The following TEKT4 variants were observed in gnomAD, a reference collection of about 807,000 sequenced individuals.
TEKT4 encodes the protein tektin 4.
A neutral mutation model predicts 46.0 loss-of-function variants in TEKT4; 46 were observed. That is an observed-to-expected ratio of 1.00 (90% CI 0.79 to 1.28). TEKT4 has a LOEUF of 1.28. TEKT4 is among the 50% of genes most tolerant of loss of function. The probability of loss-of-function intolerance (pLI) is 0.00; values close to 1 mark genes in which losing one functional copy is unlikely to be tolerated. For synonymous variants in TEKT4, 325 were observed against 265.8 expected (o/e 1.22, Z -2.17); for missense variants, 790 against 622.9 (o/e 1.27, Z -2.85).
At position 94,871,498 on chromosome 2, in the gene TEKT4, C is replaced by T; in HGVS notation, c.-82C>T. On this transcript the variant is annotated 5_prime_UTR_variant, in exon 1 of 6. Coordinates refer to ENST00000295201, the MANE Select transcript of TEKT4 (RefSeq NM_144705.4). ...TCTGGGACTGAGCCGTTGGAGCTGC[C>T]CCGCTGACCGCACTAGGCTGACCGC... The T allele has an allele frequency of 6.9e-7, 1 of 1,450,866 alleles. No individual in the cohort carries two copies. Among genetic ancestry groups the T allele is most frequent in the South Asian group, 1.5e-5 (1 of 68,664 alleles). 89.9% of individuals were successfully genotyped at this position (1,450,866 alleles called of 1,614,324 possible). A position where few individuals can be genotyped will look rare whatever the true frequency, so the allele number is the denominator to read the frequency against.
At chr2:94,872,194 T>TG in intron 1 of TEKT4, 117 bp downstream of exon 1, 1 of 1,330,090 alleles carries the variant, frequency 7.5e-7, no homozygotes, top group Non-Finnish European at 1.0e-6. Flanking sequence ...CCCAGCCCTC[T>TG]GCACGTGAGA....
intron 4 of TEKT4, 158 bp from the exon 5 acceptor site, chr2:94,875,430 C>G: frequency 1.7e-6 from 1 of 602,974 alleles, no homozygotes; most frequent in Non-Finnish European, 2.1e-6. Context: ...CTGGGGGCCC[C>G]GTGCACATTG....
chr2:94,871,572 C>A lies in TEKT4; in HGVS notation c.-8C>A. On this transcript the variant is annotated 5_prime_UTR_variant, in exon 1 of 6. Coordinates refer to ENST00000295201, the MANE Select transcript of TEKT4 (RefSeq NM_144705.4). ...TCACTCCCCTGGCCCTGGTGGGCGGCAGGCACCATGGCGCAGACAGTGCCG... is the reference window on the plus strand; with the variant it reads ...TCACTCCCCTGGCCCTGGTGGGCGGAAGGCACCATGGCGCAGACAGTGCCG... 1 of 1,591,164 alleles carries A rather than the reference C, an allele frequency of 6.3e-7. No individual in the cohort carries two copies. The highest frequency in any genetic ancestry group is 8.6e-7 in the Non-Finnish European group (1 of 1,169,082).
intron 2 of TEKT4, 47 bp downstream of exon 2, chr2:94,873,637 C>G: frequency 6.2e-7 from 1 of 1,609,902 alleles, no homozygotes; most frequent in Non-Finnish European, 8.5e-7. Context: ...CTACCCACAG[C>G]TGGTCCTGGG....
At position 94,871,778 on chromosome 2, in the gene TEKT4, C is replaced by T. The variant is rs1553394548; in HGVS notation, c.199C>T (p.His67Tyr). Reference protein sequence around the residue: ...ADRDQSERQRHESQQLATETQ... With the variant: ...ADRDQSERQRYESQQLATETQ... The stretch of plus-strand genomic sequence containing the variant: ...CCGCGACCAGTCGGAGCGGCAGCGG[C>T]ACGAGAGCCAGCAGCTGGCCACAGA... The change falls in exon 1 of 6, where the codon CAC (histidine) becomes TAC (tyrosine). Residue 67 changes from histidine to tyrosine, a missense_variant. Transcript: ENST00000295201. 7 of 1,612,122 alleles carry T rather than the reference C, an allele frequency of 4.3e-6. No homozygotes were observed. Among genetic ancestry groups the T allele is most frequent in the Non-Finnish European group, 5.9e-6 (7 of 1,179,682 alleles).
At position 94,871,894 on chromosome 2, in the gene TEKT4, G is replaced by C. The variant is rs552156851; in HGVS notation, c.315G>C (p.Leu105=). The C allele has an allele frequency of 2.5e-6, 4 of 1,597,832 alleles. No individual in the cohort carries two copies. Among genetic ancestry groups the C allele is most frequent in the South Asian group, 2.2e-5 (2 of 89,978 alleles). The part of the protein sequence containing the change: ...LQDTHSWKSE[L]QREMEALAAE... ...ACACGCACAGCTGGAAGTCGGAGCT[G>C]CAGCGTGAGATGGAGGCGCTGGCTG... The change falls in exon 1 of 6, where the codon CTG becomes CTC. Residue 105 remains leucine, a synonymous_variant. Coordinates refer to ENST00000295201, the MANE Select transcript of TEKT4 (RefSeq NM_144705.4).
In TEKT4 at chr2:94,874,975, A is replaced by G. The variant is rs1553395949; in HGVS notation, c.913A>G (p.Lys305Glu). The change falls in exon 4 of 6, where the codon AAG becomes GAG. Residue 305 changes from lysine to glutamate, a missense_variant. By Grantham distance (56) the Lys-to-Glu change is moderately conservative. Transcript: ENST00000295201. ...RCEELEDARY[K>E]LHHHLHKTLR... is the part of the protein sequence containing the mutation. ...TGAGGAGCTGGAGGACGCGCGGTACAAGCTGCATCACCACCTGCACAAGGT... is the reference window on the plus strand; with the variant it reads ...TGAGGAGCTGGAGGACGCGCGGTACGAGCTGCATCACCACCTGCACAAGGT... 1 of 1,608,098 alleles carries G rather than the reference A, an allele frequency of 6.2e-7. No individual in the cohort carries two copies. The highest frequency in any genetic ancestry group is 8.5e-7 in the Non-Finnish European group (1 of 1,178,300).
chr2:94,875,154 G>A (rs1368987581), intron 4 of TEKT4, among the ~76,000 whole-genome samples, 156 bp downstream of exon 4: 4 of 152,232 alleles, frequency 2.6e-5, no homozygotes, highest in Non-Finnish European at 5.9e-5. Context: ...GGGTATGATC[G>A]ACCGGTGTTG....
At chr2:94,874,195 G>T in intron 3 of TEKT4, 87 bp downstream of exon 3, 1 of 1,493,626 alleles carries the variant, frequency 6.7e-7, no homozygotes, top group East Asian at 2.3e-5. Context: ...GCTTTCACCA[G>T]CCTGGCCCGG....
At chr2:94,872,616 G>T (rs112306420) in intron 1 of TEKT4, 19,239 of 359,304 alleles carry the variant, frequency 0.054, 690 homozygotes, top group Middle Eastern at 0.09. Context: ...ACTCAGTCCT[G>T]GCCCAGATGC....
In TEKT4 at chr2:94,874,976, AG is replaced by A. The variant is rs1313956746; in HGVS notation, c.915del (p.Lys305AsnfsTer23). ...RCEELEDARY[K>X]LHHHLHKTLR... is the part of the protein sequence containing the mutation. The stretch of plus-strand genomic sequence containing the variant: ...GAGGAGCTGGAGGACGCGCGGTACA[AG>A]CTGCATCACCACCTGCACAAGGTGG... On this transcript the variant is annotated frameshift_variant, in exon 4 of 6. Transcript: ENST00000295201. LOFTEE classifies it high-confidence loss of function. 4.4e-6 allele frequency: 7 copies of A among 1,608,140 alleles called. No individual in the cohort carries two copies. The highest frequency in any genetic ancestry group is 2.1e-4 in the Middle Eastern group (1 of 4,656).
intron 1 of TEKT4, chr2:94,872,740 C>T: frequency 8.8e-7 from 1 of 1,133,458 alleles, no homozygotes; most frequent in East Asian, 5.8e-5. Context: ...TCCTGCCATA[C>T]CCCAAGCTCA....
rs782006297 is a variant in TEKT4 at position 94,876,701 on chromosome 2, G to A, written c.1240G>A (p.Asp414Asn). 6.2e-6 allele frequency: 10 copies of A among 1,612,626 alleles called. No individual in the cohort carries two copies. The highest frequency in any genetic ancestry group is 2.2e-5 in the South Asian group (2 of 91,068). Residue 414 changes from aspartate to asparagine, a missense_variant, in exon 6 of 6, where the codon GAC becomes AAC. Physicochemically the swap from Asp to Asn is conservative, Grantham distance 23. Coordinates refer to ENST00000295201, the MANE Select transcript of TEKT4 (RefSeq NM_144705.4). ...CGCCATGACCAACAGTCTCTTCATC[G>A]ACCGCCAGAAGTGCATGGCCCATCG... is the stretch of plus-strand genomic sequence containing the variant. ...IAAMTNSLFI[D>N]RQKCMAHRTR...
intron 1 of TEKT4, chr2:94,872,702 G>A: frequency 1.4e-6 from 1 of 707,352 alleles, no homozygotes; most frequent in South Asian, 1.7e-5. Context: ...AGACATTCGT[G>A]AAAGATGTGG....
In TEKT4 at chr2:94,871,683, G is replaced by A. The variant is rs782283436; in HGVS notation, c.104G>A (p.Arg35His). 206 of 1,612,466 alleles carry A rather than the reference G, an allele frequency of 1.3e-4. No individual in the cohort carries two copies. The highest frequency in any genetic ancestry group is 1.0e-4 in the Non-Finnish European group (119 of 1,179,924). Residue 35 changes from arginine (R) to histidine (H), a missense_variant, in exon 1 of 6, where the codon CGC (arginine) becomes CAC (histidine). Coordinates refer to ENST00000295201, the MANE Select transcript of TEKT4 (RefSeq NM_144705.4). The part of the protein sequence containing the change: ...TSSGLATASF[R>H]TSKYLLEEWF... ...TCCGGCCTGGCCACCGCCAGCTTCC[G>A]CACCTCCAAGTACCTGCTGGAGGAG... is the stretch of plus-strand genomic sequence containing the variant.
chr2:94,874,673 C>A, intron 3 of TEKT4, 103 bp from the exon 4 acceptor site: 1 of 1,062,680 alleles, frequency 9.4e-7, no homozygotes, highest in Non-Finnish European at 1.3e-6. Flanking sequence ...CCATGCACGT[C>A]CTCCAGGAGC....
In TEKT4 at chr2:94,871,709, T is replaced by C; in HGVS notation, c.130T>C (p.Trp44Arg). The change falls in exon 1 of 6, where the codon TGG becomes CGG. Residue 44 changes from tryptophan to arginine, a missense_variant. Coordinates refer to ENST00000295201, the MANE Select transcript of TEKT4 (RefSeq NM_144705.4). ...FRTSKYLLEE[W>R]FQNCYARYHQ... ...CACCTCCAAGTACCTGCTGGAGGAGTGGTTCCAGAACTGCTATGCTCGCTA... is the reference window on the plus strand; with the variant it reads ...CACCTCCAAGTACCTGCTGGAGGAGCGGTTCCAGAACTGCTATGCTCGCTA... 1 of 1,611,844 alleles carries C rather than the reference T, an allele frequency of 6.2e-7. No homozygotes were observed. Among genetic ancestry groups the C allele is most frequent in the Non-Finnish European group, 8.5e-7 (1 of 1,179,716 alleles).
chr2:94,873,202 G>C, intron 1 of TEKT4: 1 of 1,260,150 alleles, frequency 7.9e-7, no homozygotes. Context: ...GCCAAGGGCA[G>C]GCCAACGTTC....
Position 94,871,593 on chromosome 2 carries a change from T to C in TEKT4, c.14T>C (p.Val5Ala), listed in dbSNP as rs782084512. 1.9e-6 allele frequency: 3 copies of C among 1,606,952 alleles called. No homozygotes were observed. Among genetic ancestry groups the C allele is most frequent in the Non-Finnish European group, 1.7e-6 (2 of 1,177,338 alleles). Residue 5 changes from valine to alanine, a missense_variant, in exon 1 of 6, where the codon GTG becomes GCG. By Grantham distance (64) the Val-to-Ala change is moderately conservative. Coordinates refer to ENST00000295201, the MANE Select transcript of TEKT4 (RefSeq NM_144705.4). ...GCGGCAGGCACCATGGCGCAGACAG[T>C]GCCGCCCTGCGAGCTGCCCTGCAAA... The part of the protein sequence containing the change: MAQT[V>A]PPCELPCKEY...
Sources: allele counts gnomAD v4.1 joint callset (sites outside exome capture counted in the v4.1 genomes callset), GRCh38; gene constraint gnomAD v4.1.1; transcripts MANE v1.5; gene names NCBI Gene and HGNC (gene_info 2026-07-23, HGNC 2026-07-21).